Variants in CYP4A22 observed in about 807,000 individuals in gnomAD.
The protein encoded by CYP4A22 is cytochrome P450 4A22.
Under a neutral mutation model 56.2 loss-of-function variants are expected in CYP4A22, and 46 were observed. That is an observed-to-expected ratio of 0.82 (90% CI 0.65 to 1.05). The LOEUF (loss-of-function observed/expected upper bound fraction) is 1.05. Among genes scored for constraint, CYP4A22 ranks in the 50% least tolerant of loss-of-function variants. CYP4A22 has a pLI of 0.00. For synonymous variants in CYP4A22, 193 were observed against 251.1 expected, an observed-to-expected ratio of 0.77 and a Z score of 2.19; for missense variants, 541 against 645.9, an observed-to-expected ratio of 0.84 and a Z score of 1.76.
In CYP4A22 at chr1:47,140,652, C is replaced by G. The variant is rs953720773; in HGVS notation, c.196-128C>G. 9 of 1,399,880 alleles carry G rather than the reference C, an allele frequency of 6.4e-6. No homozygotes were observed. In the African/African-American group the frequency reaches 1.3e-4, roughly 20 times the overall value. The allele number at this position is 1,399,880 out of a possible 1,614,324, so 86.7% of individuals were successfully genotyped here. On this transcript the variant is annotated intron_variant, in intron 1 of 11. Transcript: ENST00000371891. ...GATACAAAGAATCTGGATCACAGCT[C>G]AGGTCATCAGAAACAGATCTAAATC... is the stretch of plus-strand genomic sequence containing the variant.
chr1:47,149,539 C>T lies in CYP4A22; in HGVS notation c.*742C>T, dbSNP rs1645109347. 1 of 152,080 alleles carries T rather than the reference C, an allele frequency of 6.6e-6. No homozygotes were observed. The highest frequency in any genetic ancestry group is 2.4e-5 in the African/African-American group (1 of 41,384). The allele number at this position is 152,080 out of a possible 1,614,324, so 9.4% of individuals were successfully genotyped here. ...TCTTTTCTCATTCCTTTGACTCTGCCGGACTTTGTCACCCCCACAACCTGG... is the reference window on the plus strand; with the variant it reads ...TCTTTTCTCATTCCTTTGACTCTGCTGGACTTTGTCACCCCCACAACCTGG... On this transcript the variant is annotated 3_prime_UTR_variant, in exon 12 of 12. Transcript: ENST00000371891.
chr1:47,139,895 A>G (rs1173545389), intron 1 of CYP4A22, among the ~76,000 whole-genome samples: 1 of 152,242 alleles, frequency 6.6e-6, no homozygotes, highest in Non-Finnish European at 1.5e-5. Flanking sequence ...TGGCAGATGG[A>G]AGGGCATTCA....
At chr1:47,138,844 G>A (rs939061367) in intron 1 of CYP4A22, among the ~76,000 whole-genome samples, 5 of 152,176 alleles carry the variant, frequency 3.3e-5, no homozygotes, top group East Asian at 1.9e-4. Context: ...GGAGAGGGGC[G>A]GGTAGGAACA....
intron 9 of CYP4A22, 46 bp from the exon 10 acceptor site, chr1:47,145,820 C>A (rs780312154): frequency 6.2e-7 from 1 of 1,612,506 alleles, no homozygotes; most frequent in African/African-American, 1.3e-5. Context: ...CCAGGCCACC[C>A]CATGCAAATG....
At chr1:47,142,474 A>G (rs1189199718) in intron 4 of CYP4A22, among the ~76,000 whole-genome samples, 1 of 152,250 alleles carries the variant, frequency 6.6e-6, no homozygotes, top group Non-Finnish European at 1.5e-5. Flanking sequence ...CATGGTGAAC[A>G]CAAGGCCCTT....
At chr1:47,139,262 T>C (rs908218707) in intron 1 of CYP4A22, among the ~76,000 whole-genome samples, 5 of 152,206 alleles carry the variant, frequency 3.3e-5, no homozygotes, top group Non-Finnish European at 7.3e-5. Flanking sequence ...GACTCTTTTT[T>C]CTATGGGCTA....
intron 11 of CYP4A22, chr1:47,146,486 C>T: frequency 8.7e-7 from 1 of 1,149,896 alleles, no homozygotes; most frequent in Admixed American, 4.1e-5. Flanking sequence ...CCAGTAAATT[C>T]AACTTCAGCT....
rs144809613 is a variant in CYP4A22, at chr1:47,138,956, T to C, written c.195+1276T>C. Among the ~76,000 whole-genome samples, 443 of 152,334 alleles carry C rather than the reference T, an allele frequency of 2.9e-3. 6 individuals carry two copies. Among genetic ancestry groups the C allele is most frequent in the African/African-American group, 0.01 (426 of 41,578 alleles). On this transcript the variant is annotated intron_variant, in intron 1 of 11. Transcript: ENST00000371891. ...TTGCAGGGAGCTGAGGCCTATTGTT[T>C]CTCAGCAAAGGAGGCAACATAGTTC...
chr1:47,146,277 T>G (rs1429113412), intron 11 of CYP4A22, 124 bp downstream of exon 11: 11 of 1,582,236 alleles, frequency 7.0e-6, no homozygotes, highest in Non-Finnish European at 9.5e-6. Context: ...TATTGGTATT[T>G]GTGGGAAAGT....
intron 1 of CYP4A22, among the ~76,000 whole-genome samples, chr1:47,138,445 A>G (rs562886899): frequency 3.9e-4 from 59 of 152,276 alleles, no homozygotes; most frequent in African/African-American, 1.4e-3. Flanking sequence ...GGAGGTGAGC[A>G]TGTCATCCCC....
At chr1:47,143,997 C>T in intron 6 of CYP4A22, 81 bp downstream of exon 6, 1 of 1,522,754 alleles carries the variant, frequency 6.6e-7, no homozygotes, top group Non-Finnish European at 8.8e-7. Context: ...CAGAGAAGGT[C>T]CCTAGTAATC....
intron 1 of CYP4A22, 137 bp downstream of exon 1, chr1:47,137,817 G>A (rs1244460254): frequency 1.4e-6 from 2 of 1,388,136 alleles, no homozygotes; most frequent in African/African-American, 1.5e-5. Context: ...CTACCTCTCT[G>A]GTTTCAGCTT....
rs1458335905 is a variant in CYP4A22, at chr1:47,148,839, A to G, written c.*42A>G. On this transcript the variant is annotated 3_prime_UTR_variant, in exon 12 of 12. Coordinates refer to ENST00000371891, the MANE Select transcript of CYP4A22 (RefSeq NM_001010969.4). The stretch of plus-strand genomic sequence containing the variant: ...TCCTGTCTTCCTGACCCCCACTCCT[A>G]TCTCCTGCCTGTCTGCCTCTGTCCT... 2.1e-5 allele frequency: 32 copies of G among 1,551,716 alleles called. No individual in the cohort carries two copies. Among genetic ancestry groups the G allele is most frequent in the Non-Finnish European group, 2.6e-5 (30 of 1,147,744 alleles).
chr1:47,145,915 G>A lies in CYP4A22; in HGVS notation c.1272G>A (p.Val424=). The A allele has an allele frequency of 6.2e-7, 1 of 1,614,164 alleles. No homozygotes were observed. ...ATGGCCTTCACCACAACCCAAAAGT[G>A]TGGCCCAACCTAGAGGTATGTGGTC... is the stretch of plus-strand genomic sequence containing the variant. ...SIYGLHHNPK[V]WPNLEVFDPS... is the part of the protein sequence containing the mutation. The change falls in exon 10 of 12, where the codon GTG becomes GTA. Residue 424 remains valine, a synonymous_variant. Transcript: ENST00000371891.
At chr1:47,143,622 AATAGGGCTGTAAG>A in intron 5 of CYP4A22, 127 bp from the exon 6 acceptor site, 1 of 1,308,938 alleles carries the variant, frequency 7.6e-7, no homozygotes, top group East Asian at 2.4e-5. Flanking sequence ...GCCAAAGGAT[AATAGGGCTGTAAG>A]ATAGAAGAAA....
Position 47,148,603 on chromosome 1 carries a change from A to G in CYP4A22, c.1366A>G (p.Asn456Asp). Residue 456 changes from asparagine (N) to aspartate (D), a missense_variant and splice_region_variant, in exon 12 of 12, where the codon AAC becomes GAC. Coordinates refer to ENST00000371891, the MANE Select transcript of CYP4A22 (RefSeq NM_001010969.4). ...ATTCATTGTCTCCGCCTGGCCCAGG[A>G]ACTGCATCGGGAAACAATTTGCCAT... ...AFLPFSGGSRNCIGKQFAMNQ... is the reference protein window; with the variant it reads ...AFLPFSGGSRDCIGKQFAMNQ... The G allele has an allele frequency of 6.2e-7, 1 of 1,608,626 alleles. No individual in the cohort carries two copies. Among genetic ancestry groups the G allele is most frequent in the Non-Finnish European group, 8.5e-7 (1 of 1,176,980 alleles).
chr1:47,142,020 C>T (rs781039873), intron 3 of CYP4A22, 88 bp from the exon 4 acceptor site: 1 of 1,521,746 alleles, frequency 6.6e-7, no homozygotes, highest in Non-Finnish European at 8.8e-7. Flanking sequence ...CAGGAAGCCA[C>T]CTTTCTCCCT....
rs757379301 is a variant in CYP4A22 at position 47,145,885 on chromosome 1, C to T, written c.1242C>T (p.Ser414=). The T allele has an allele frequency of 6.2e-7, 1 of 1,614,156 alleles. No homozygotes were observed. The highest frequency in any genetic ancestry group is 8.5e-7 in the Non-Finnish European group (1 of 1,180,028). ...SLPKGIMVLL[S]IYGLHHNPKV... is the part of the protein sequence containing the mutation. Reference sequence around the variant, plus strand: ...CCACAGGTATCATGGTCCTCCTCTCCATTTATGGCCTTCACCACAACCCAA... The same window carrying T: ...CCACAGGTATCATGGTCCTCCTCTCTATTTATGGCCTTCACCACAACCCAA... Residue 414 remains serine, a synonymous_variant, in exon 10 of 12, where the codon TCC becomes TCT. Coordinates refer to ENST00000371891, the MANE Select transcript of CYP4A22 (RefSeq NM_001010969.4).
At position 47,140,791 on chromosome 1, in the gene CYP4A22, C is replaced by T. The variant is rs763365225; in HGVS notation, c.207C>T (p.Asp69=). The T allele has an allele frequency of 1.1e-5, 17 of 1,614,130 alleles. No individual in the cohort carries two copies. In the Admixed American group the frequency reaches 2.2e-4, roughly 21 times the overall value. Residue 69 remains aspartate (D), a synonymous_variant, in exon 2 of 12, where the codon GAC becomes GAT. Coordinates refer to ENST00000371891, the MANE Select transcript of CYP4A22 (RefSeq NM_001010969.4). ...LFGHIQEFQH[D]QELQRIQERV... is the part of the protein sequence containing the mutation. Reference sequence around the variant, plus strand: ...ACCCTCGTTGACAGTTCCAACACGACCAGGAGCTACAACGGATTCAGGAAC... The same window carrying T: ...ACCCTCGTTGACAGTTCCAACACGATCAGGAGCTACAACGGATTCAGGAAC...
Sources: gnomAD v4.1 joint callset for allele counts (sites outside exome capture counted in the v4.1 genomes callset) on GRCh38, gnomAD v4.1.1 for gene constraint, MANE v1.5 for transcripts, NCBI Gene and HGNC (gene_info 2026-07-23, HGNC 2026-07-21) for gene names.